Variants in MYT1L observed in about 807,000 individuals in gnomAD.
MYT1L encodes myelin transcription factor 1-like protein.
MYT1L carries 12 observed loss-of-function variants against 126.7 expected under a neutral mutation model. The observed-to-expected ratio is 0.09, with a 90% CI of 0.06 to 0.15. The LOEUF (loss-of-function observed/expected upper bound fraction) is 0.15. Ranked by LOEUF, MYT1L falls within the 10% of genes least tolerant of loss-of-function variation. The probability of loss-of-function intolerance (pLI) is 1.00; values close to 1 mark genes in which losing one functional copy is unlikely to be tolerated. For missense variants in MYT1L, 979 were observed against 1,585.2 expected, an observed-to-expected ratio of 0.62 and a Z score of 6.49; for synonymous variants, 541 against 604.2, an observed-to-expected ratio of 0.90 and a Z score of 1.53.
chr2:2,311,497 C>T (rs17039552), intron 1 of MYT1L, among the ~76,000 whole-genome samples: 5,122 of 152,270 alleles, frequency 0.034, 167 homozygotes, highest in South Asian at 0.11. Context: ...CCTGGAGCTA[C>T]CTTCCTGTTA....
intron 11 of MYT1L, among the ~76,000 whole-genome samples, chr2:1,915,510 G>A (rs1249860439): frequency 6.6e-6 from 1 of 152,218 alleles, no homozygotes; most frequent in Non-Finnish European, 1.5e-5. Flanking sequence ...AAAAGGAGCT[G>A]ATAATCTACC....
At chr2:1,976,124 A>C (rs1006477876) in intron 8 of MYT1L, among the ~76,000 whole-genome samples, 2 of 151,446 alleles carry the variant, frequency 1.3e-5, no homozygotes, top group Non-Finnish European at 3.0e-5. Context: ...AAGACCAAAA[A>C]AAAAAAAAAA....
Position 2,163,548 on chromosome 2 carries a change from A to AC in MYT1L, c.-304+9323dup, listed in dbSNP as rs370436268. On this transcript the variant is annotated intron_variant, in intron 3 of 24. Coordinates refer to ENST00000647738, the MANE Select transcript of MYT1L (RefSeq NM_001303052.2). ...AGACCATCCTGGCTAACACGGTGAA[A>AC]CCCCATCTCTAATAAAAATACAAAA... Among the ~76,000 whole-genome samples the AC allele has an allele frequency of 4.0e-3, 608 of 150,462 alleles. 4 individuals are homozygous for AC. The highest frequency in any genetic ancestry group is 0.014 in the African/African-American group (579 of 40,880).
In MYT1L at chr2:2,080,185, G is replaced by T. The variant is rs147993537; in HGVS notation, c.-303-26062C>A. On this transcript the variant is annotated intron_variant, in intron 3 of 24. Transcript: ENST00000647738. ...AACATGGACGCAAAATGTATCAAAG[G>T]CCTAAATGTAGAAGTTAAAACTATA... 6.8e-4 allele frequency among the ~76,000 whole-genome samples: 103 copies of T among 152,210 alleles called. No individual in the cohort carries two copies. The East Asian group carries it at 0.017, about 25-fold the overall frequency.
chr2:2,251,776 T>G lies in MYT1L; in HGVS notation c.-421+32628A>C, dbSNP rs186088954. 8.2e-4 allele frequency among the ~76,000 whole-genome samples: 120 copies of G among 146,796 alleles called. 1 individual carries two copies. In the Middle Eastern group the frequency reaches 0.017, roughly 21 times the overall value. ...TTCTCAAAGAAAATTTACCCACAAC[T>G]AATACAAGAGCATCATTTGAGCATC... On this transcript the variant is annotated intron_variant, in intron 2 of 24. Transcript: ENST00000647738.
intron 3 of MYT1L, among the ~76,000 whole-genome samples, chr2:2,146,818 C>T (rs2084952352): frequency 6.6e-6 from 1 of 152,188 alleles, no homozygotes; most frequent in Non-Finnish European, 1.5e-5. Flanking sequence ...CTTTACAATG[C>T]ATCTCCTTTG....
chr2:1,851,949 T>C (rs374972777), intron 18 of MYT1L, among the ~76,000 whole-genome samples: 45 of 152,110 alleles, frequency 3.0e-4, no homozygotes, highest in African/African-American at 1.0e-3. Context: ...TGCCGCACTT[T>C]TGGTCCCTAG....
intron 3 of MYT1L, among the ~76,000 whole-genome samples, chr2:2,132,853 G>C (rs772178017): frequency 2.0e-5 from 3 of 152,098 alleles, no homozygotes; most frequent in African/African-American, 7.2e-5. Context: ...GGCATCTATG[G>C]AATCAGAAAT....
At chr2:2,210,179 T>C (rs1280044636) in intron 2 of MYT1L, among the ~76,000 whole-genome samples, 1 of 152,174 alleles carries the variant, frequency 6.6e-6, no homozygotes, top group African/African-American at 2.4e-5. Flanking sequence ...TCTCCTTCTA[T>C]AGTCTGATTA....
intron 8 of MYT1L, among the ~76,000 whole-genome samples, chr2:1,964,928 C>T (rs765179302): frequency 3.9e-5 from 6 of 152,176 alleles, no homozygotes; most frequent in Non-Finnish European, 7.3e-5. Context: ...TACAGGAAAT[C>T]GCCACAAGCA....
intron 3 of MYT1L, among the ~76,000 whole-genome samples, chr2:2,079,038 C>T (rs867746038): frequency 7.9e-5 from 12 of 152,148 alleles, no homozygotes; most frequent in African/African-American, 2.2e-4. Flanking sequence ...AAGACAAATG[C>T]CTGCCTATGA....
intron 2 of MYT1L, among the ~76,000 whole-genome samples, chr2:2,222,996 C>T (rs1450157977): frequency 1.3e-5 from 2 of 152,160 alleles, no homozygotes; most frequent in African/African-American, 4.8e-5. Context: ...AATGATGCCA[C>T]AAATACATAT....
rs1300226500 is a variant in MYT1L at position 1,956,392 on chromosome 2, TTCTATCTG to T, written c.153-13066_153-13059del. On this transcript the variant is annotated intron_variant, in intron 8 of 24. Coordinates refer to ENST00000647738, the MANE Select transcript of MYT1L (RefSeq NM_001303052.2). ...TATCCTATTCTATATTTCCTATTCT[TTCTATCTG>T]TCTGTCTATCTATCTATCTATCTAT... Among the ~76,000 whole-genome samples the T allele has an allele frequency of 2.5e-5, 2 of 80,600 alleles. 1 individual carries two copies. Among genetic ancestry groups the T allele is most frequent in the East Asian group, 9.1e-4 (2 of 2,208 alleles). 52.9% of individuals were successfully genotyped at this position (80,600 alleles called of 152,430 possible). A position where few individuals can be genotyped will look rare whatever the true frequency, so the allele number is the denominator to read the frequency against.
At chr2:2,175,656 C>T (rs1029420655) in intron 2 of MYT1L, among the ~76,000 whole-genome samples, 1 of 152,178 alleles carries the variant, frequency 6.6e-6, no homozygotes, top group African/African-American at 2.4e-5. Context: ...GGCAAGGATG[C>T]CCGAGCCTGG....
chr2:2,101,450 C>A (rs1456336234), intron 3 of MYT1L, among the ~76,000 whole-genome samples: 1 of 152,112 alleles, frequency 6.6e-6, no homozygotes, highest in Non-Finnish European at 1.5e-5. Context: ...ACTCATCAAT[C>A]TACCACCCAC....
chr2:2,110,755 T>C (rs1451259479), intron 3 of MYT1L, among the ~76,000 whole-genome samples: 1 of 152,134 alleles, frequency 6.6e-6, no homozygotes, highest in African/African-American at 2.4e-5. Context: ...GGCTCTGTCA[T>C]GGGGCCCCTG....
rs552697904 is a variant in MYT1L at position 1,811,373 on chromosome 2, A to G, written c.3081-2206T>C. ...CCCCAGCGTCATCAGCTCCAGCATC[A>G]TCAGCTCTGGCGTCATCAGCTCTGG... is the stretch of plus-strand genomic sequence containing the variant. On this transcript the variant is annotated intron_variant, in intron 21 of 24. Transcript: ENST00000647738. This position sits in a 1 kb window ranked among gnomAD's most constrained non-coding sequence, Gnocchi z 4.4. 2 of 152,544 alleles carry G rather than the reference A, an allele frequency of 1.3e-5. No homozygotes were observed. The highest frequency in any genetic ancestry group is 1.3e-4 in the Admixed American group (2 of 15,288). The allele number at this position is 152,544 out of a possible 1,614,324, so 9.4% of individuals were successfully genotyped here. A position where few individuals can be genotyped will look rare whatever the true frequency, so the allele number is the denominator to read the frequency against.
intron 2 of MYT1L, among the ~76,000 whole-genome samples, chr2:2,186,443 A>AAAGAAATATGG (rs2092209651): frequency 6.6e-6 from 1 of 152,234 alleles, no homozygotes; most frequent in Non-Finnish European, 1.5e-5. Flanking sequence ...GCTCACCGCA[A>AAAGAAATATGG]AAGAAATATG....
intron 13 of MYT1L, among the ~76,000 whole-genome samples, chr2:1,904,272 C>A (rs1044324339): frequency 1.3e-5 from 2 of 152,196 alleles, no homozygotes; most frequent in African/African-American, 2.4e-5. Flanking sequence ...TGTCCTCCCC[C>A]TCGACAGCTC....
Sources: allele counts gnomAD v4.1 joint callset (sites outside exome capture counted in the v4.1 genomes callset), GRCh38; gene constraint gnomAD v4.1.1; non-coding constraint Gnocchi (gnomAD v3.1); transcripts MANE v1.5; gene names NCBI Gene and HGNC (gene_info 2026-07-23, HGNC 2026-07-21).